MAD1L1: variants seen among roughly 807,000 people sequenced by gnomAD.
MAD1L1 encodes the protein mitotic spindle assembly checkpoint protein MAD1.
Under a neutral mutation model 96.9 loss-of-function variants are expected in MAD1L1, and 95 were observed. The observed-to-expected ratio is 0.98, with a 90% CI of 0.83 to 1.16. MAD1L1 has a LOEUF of 1.16. MAD1L1 is among the 50% of genes most tolerant of loss of function. The pLI, the probability that MAD1L1 is intolerant of heterozygous loss-of-function variation, is 0.00. For missense variants in MAD1L1, 1,007 were observed against 954.4 expected (o/e 1.06, Z -0.73); for synonymous variants, 473 against 396.6 (o/e 1.19, Z -2.29).
intron 14 of MAD1L1, among the ~76,000 whole-genome samples, chr7:1,997,076 G>GA (rs1055302135): frequency 6.6e-6 from 1 of 152,110 alleles, no homozygotes; most frequent in African/African-American, 2.4e-5. Flanking sequence ...TGCATTTAAA[G>GA]AAAAAAACAT....
intron 10 of MAD1L1, among the ~76,000 whole-genome samples, chr7:2,156,916 G>A (rs6972752): frequency 0.26 from 39,395 of 151,950 alleles, 5,827 homozygotes; most frequent in Middle Eastern, 0.33. Flanking sequence ...AGCCTTCTGG[G>A]CAAGTTACCA....
At chr7:1,902,920 G>A (rs12667229) in intron 17 of MAD1L1, among the ~76,000 whole-genome samples, 8,384 of 147,020 alleles carry the variant, frequency 0.057, 550 homozygotes, top group African/African-American at 0.16. Flanking sequence ...TATGGAAGAC[G>A]TTCTTGTGGA....
chr7:2,149,309 A>G (rs746006699), intron 10 of MAD1L1, 71 bp from the exon 11 acceptor site: 218 of 1,290,778 alleles, frequency 1.7e-4, no homozygotes, highest in Non-Finnish European at 2.4e-4. Context: ...CACACAAAAC[A>G]GAAGGCCAAA....
chr7:2,118,480 CA>C (rs909996087), intron 11 of MAD1L1, among the ~76,000 whole-genome samples: 1 of 152,252 alleles, frequency 6.6e-6, no homozygotes, highest in Non-Finnish European at 1.5e-5. Flanking sequence ...GGTGAGCACA[CA>C]GGGGTCTGCC....
intron 10 of MAD1L1, among the ~76,000 whole-genome samples, chr7:2,163,552 T>A (rs1024661726): frequency 3.9e-5 from 6 of 152,104 alleles, no homozygotes; most frequent in African/African-American, 1.2e-4. Context: ...TTTTTGTATC[T>A]TTAGTAGAGA....
chr7:1,835,616 G>C (rs1782904255), intron 18 of MAD1L1, among the ~76,000 whole-genome samples: 1 of 152,150 alleles, frequency 6.6e-6, no homozygotes, highest in African/African-American at 2.4e-5. Flanking sequence ...TATGTTATCA[G>C]GAAGGGGTCT....
chr7:2,091,053 C>A (rs1050508853), intron 11 of MAD1L1, among the ~76,000 whole-genome samples: 27 of 152,220 alleles, frequency 1.8e-4, no homozygotes, highest in African/African-American at 6.0e-4. Context: ...AGTCACTCCA[C>A]TTCATTTTCT....
chr7:2,150,951 C>G (rs2128581027), intron 10 of MAD1L1, among the ~76,000 whole-genome samples: 1 of 152,322 alleles, frequency 6.6e-6, no homozygotes, highest in African/African-American at 2.4e-5. Flanking sequence ...CACAGGCAAA[C>G]CGGGGTTAGA....
At chr7:1,843,130 G>A (rs1330961982) in intron 18 of MAD1L1, among the ~76,000 whole-genome samples, 1 of 152,204 alleles carries the variant, frequency 6.6e-6, no homozygotes, top group African/African-American at 2.4e-5. Context: ...AGGCCCCGAT[G>A]GCACAGTGCC....
At chr7:1,956,343 C>A (rs1283504702) in intron 16 of MAD1L1, among the ~76,000 whole-genome samples, 1 of 152,202 alleles carries the variant, frequency 6.6e-6, no homozygotes, top group Non-Finnish European at 1.5e-5. Flanking sequence ...GGCCTCCCCG[C>A]TTCACTGCTC....
chr7:2,124,943 AG>A (rs1369371611), intron 11 of MAD1L1, among the ~76,000 whole-genome samples: 1 of 152,184 alleles, frequency 6.6e-6, no homozygotes, highest in African/African-American at 2.4e-5. Flanking sequence ...GCCCCAGGGC[AG>A]GAGACACCAG....
At chr7:1,919,128 T>G (rs1788614275) in intron 17 of MAD1L1, among the ~76,000 whole-genome samples, 1 of 152,240 alleles carries the variant, frequency 6.6e-6, no homozygotes, top group Non-Finnish European at 1.5e-5. Context: ...ACGCTCACCC[T>G]TGGTGCGGGG....
chr7:1,816,203 A>T lies in MAD1L1; in HGVS notation c.2024T>A (p.Met675Lys). ...FKATSPSGSK[M>K]QLLETEFSHT... ...TGAGAACTCTGTCTCCAGTAGCTGC[A>T]TCTTGGAACCCGAGGGGCTGGTGGC... is the stretch of plus-strand genomic sequence containing the variant. Residue 675 changes from methionine (M) to lysine (K), a missense_variant, in exon 19 of 19, where the codon ATG becomes AAG. Met to Lys is a moderately conservative substitution (Grantham distance 95). Coordinates refer to ENST00000265854, the MANE Select transcript of MAD1L1 (RefSeq NM_001013836.2). 1 of 1,612,978 alleles carries T rather than the reference A, an allele frequency of 6.2e-7. No homozygotes were observed. Among genetic ancestry groups the T allele is most frequent in the Non-Finnish European group, 8.5e-7 (1 of 1,179,624 alleles).
chr7:1,833,133 T>C (rs1437014588), intron 18 of MAD1L1, among the ~76,000 whole-genome samples: 1 of 152,244 alleles, frequency 6.6e-6, no homozygotes, highest in African/African-American at 2.4e-5. Context: ...TTTAAAGACA[T>C]AATGCTATTG....
intron 10 of MAD1L1, among the ~76,000 whole-genome samples, chr7:2,179,528 C>CA (rs1254973924): frequency 0.051 from 4,039 of 79,740 alleles, 86 homozygotes; most frequent in South Asian, 0.12. Context: ...GACTCTGTCT[C>CA]AAAAAAAAAA....
chr7:2,228,024 GGA>G (rs139991383), intron 3 of MAD1L1, among the ~76,000 whole-genome samples: 2 of 106,420 alleles, frequency 1.9e-5, no homozygotes, highest in Non-Finnish European at 4.6e-5. Flanking sequence ...GGGCTCAGCA[GGA>G]GAGAGAGAAC....
At chr7:2,231,384 C>T (rs995292188) in intron 1 of MAD1L1, among the ~76,000 whole-genome samples, 2 of 152,046 alleles carry the variant, frequency 1.3e-5, no homozygotes, top group Non-Finnish European at 2.9e-5. Context: ...CTTTGTGAGG[C>T]CAAGATGGGC....
At chr7:2,027,935 C>A (rs894141857) in intron 12 of MAD1L1, among the ~76,000 whole-genome samples, 17 of 152,108 alleles carry the variant, frequency 1.1e-4, no homozygotes, top group Non-Finnish European at 2.4e-4. Flanking sequence ...CAATTATGAA[C>A]ATAGAAAAGT....
At chr7:1,863,526 G>T (rs988622596) in intron 18 of MAD1L1, among the ~76,000 whole-genome samples, 2 of 152,232 alleles carry the variant, frequency 1.3e-5, no homozygotes, top group Non-Finnish European at 2.9e-5. Flanking sequence ...GAAGGCCCGG[G>T]AGCCAGTACT....
Sources: allele counts gnomAD v4.1 joint callset (sites outside exome capture counted in the v4.1 genomes callset), GRCh38; gene constraint gnomAD v4.1.1; transcripts MANE v1.5; gene names NCBI Gene and HGNC (gene_info 2026-07-23, HGNC 2026-07-21).